Variants in SRRM3 observed in about 807,000 individuals in gnomAD.
SRRM3 encodes serine/arginine repetitive matrix 3.
SRRM3 carries 27 observed loss-of-function variants against 66.2 expected under a neutral mutation model. That is an observed-to-expected ratio of 0.41 (90% CI 0.30 to 0.56). The LOEUF (loss-of-function observed/expected upper bound fraction) is 0.56, where lower values mean the gene tolerates loss of function less well. Ranked by LOEUF, SRRM3 falls within the 20% of genes least tolerant of loss-of-function variation. The pLI is 0.32. For synonymous variants in SRRM3, 391 were observed against 414.9 expected, an observed-to-expected ratio of 0.94 and a Z score of 0.70; for missense variants, 918 against 991.9, an observed-to-expected ratio of 0.93 and a Z score of 1.00.
At chr7:76,277,010 C>T (rs1802366375) in intron 11 of SRRM3, among the ~76,000 whole-genome samples, 1 of 152,244 alleles carries the variant, frequency 6.6e-6, no homozygotes. Flanking sequence ...CAGGTGACTG[C>T]CTTAAGGCGT....
At chr7:76,211,175 G>A (rs1800422322) in intron 1 of SRRM3, among the ~76,000 whole-genome samples, 1 of 152,346 alleles carries the variant, frequency 6.6e-6, no homozygotes. Flanking sequence ...CGGGACACCG[G>A]TGTGGGGAAG....
chr7:76,210,681 G>T (rs556036239), intron 1 of SRRM3, among the ~76,000 whole-genome samples: 1 of 152,156 alleles, frequency 6.6e-6, no homozygotes, highest in Non-Finnish European at 1.5e-5. Context: ...TCTTGGGGGG[G>T]CGGGTAGTGC....
intron 1 of SRRM3, among the ~76,000 whole-genome samples, chr7:76,211,816 CTATTATTATTAT>C (rs60646233): frequency 0.015 from 2,059 of 140,632 alleles, 39 homozygotes; most frequent in African/African-American, 0.045. Flanking sequence ...ACTATTACTA[CTATTATTATTAT>C]TATTATTATT....
At chr7:76,265,758 TTA>T (rs1166050061) in intron 10 of SRRM3, among the ~76,000 whole-genome samples, 5 of 138,132 alleles carry the variant, frequency 3.6e-5, no homozygotes, top group East Asian at 2.0e-4. Flanking sequence ...TTATATATAA[TTA>T]TATATATTTA....
At chr7:76,227,863 T>C (rs1275126466) in intron 1 of SRRM3, among the ~76,000 whole-genome samples, 5 of 152,058 alleles carry the variant, frequency 3.3e-5, no homozygotes, top group Non-Finnish European at 5.9e-5. Context: ...CTTAGTTTTG[T>C]TTTTTGTTTT....
At chr7:76,215,327 A>T (rs1800532989) in intron 1 of SRRM3, among the ~76,000 whole-genome samples, 2 of 151,206 alleles carry the variant, frequency 1.3e-5, no homozygotes, top group South Asian at 2.1e-4. Context: ...GTCTTTAGAG[A>T]CATTCTCTGA....
chr7:76,278,355 C>T (rs1037172653), intron 11 of SRRM3, among the ~76,000 whole-genome samples: 9 of 152,034 alleles, frequency 5.9e-5, no homozygotes, highest in Non-Finnish European at 1.0e-4. Context: ...GGCGTGGTGG[C>T]GGGCACCTGT....
In SRRM3 at chr7:76,283,115, T is replaced by TG. The variant is rs782274170; in HGVS notation, c.1733+21dup. The TG allele has an allele frequency of 1.4e-5, 20 of 1,409,008 alleles. No individual in the cohort carries two copies. The highest frequency in any genetic ancestry group is 1.0e-4 in the African/African-American group (7 of 66,696). 87.3% of individuals were successfully genotyped at this position (1,409,008 alleles called of 1,614,324 possible). Reference sequence around the variant, plus strand: ...GCGCATCACCAGGTATGGAGGGTCTTGGGGGGGCCGGTGGCGCAGGGCTGG... The same window carrying TG: ...GCGCATCACCAGGTATGGAGGGTCTTGGGGGGGGCCGGTGGCGCAGGGCTGG... On this transcript the variant is annotated intron_variant, in intron 14 of 14. Transcript: ENST00000611745.
chr7:76,276,739 G>A (rs782010188), intron 11 of SRRM3, among the ~76,000 whole-genome samples: 4 of 152,160 alleles, frequency 2.6e-5, no homozygotes, highest in Non-Finnish European at 5.9e-5. Context: ...TCTGGCAGGC[G>A]CATGGTGACC....
rs548789462 is a variant in SRRM3, at chr7:76,285,681, C to T, written c.1800C>T (p.Ser600=). ...CTTCCTCCTCCAGCTGCTTGAGCAG[C>T]GACTACTCGACCCGGAGCCACAGCC... is the stretch of plus-strand genomic sequence containing the variant. ...SPSSSSSCLS[S]DYSTRSHSRS... is the part of the protein sequence containing the mutation. The change falls in exon 15 of 15, where the codon AGC becomes AGT. Residue 600 remains serine (S), a synonymous_variant. Coordinates refer to ENST00000611745, the MANE Select transcript of SRRM3 (RefSeq NM_001110199.3). This position sits in a 1 kb window ranked among gnomAD's most constrained non-coding sequence, Gnocchi z 4.1. 1.7e-4 allele frequency: 268 copies of T among 1,551,164 alleles called. 1 individual carries two copies. In the East Asian group the frequency reaches 5.0e-3, roughly 29 times the overall value.
intron 1 of SRRM3, among the ~76,000 whole-genome samples, chr7:76,202,818 C>T (rs969608253): frequency 6.6e-5 from 10 of 152,286 alleles, no homozygotes; most frequent in Admixed American, 5.2e-4. Flanking sequence ...CCTCCCAGGG[C>T]TCCTGCCTGG....
At chr7:76,263,735 TG>T (rs1248720587) in intron 8 of SRRM3, among the ~76,000 whole-genome samples, 1 of 151,646 alleles carries the variant, frequency 6.6e-6, no homozygotes, top group Non-Finnish European at 1.5e-5. Context: ...TAGCCAGACG[TG>T]GTGGCAGGCT....
chr7:76,261,572 G>A lies in SRRM3; in HGVS notation c.665G>A (p.Arg222Lys), dbSNP rs782757564. The A allele has an allele frequency of 6.2e-6, 10 of 1,611,786 alleles. No homozygotes were observed. The African/African-American group carries it at 8.0e-5, about 13-fold the overall frequency. The change falls in exon 8 of 15, where the codon AGA (arginine) becomes AAA (lysine). Residue 222 changes from arginine (R) to lysine (K), a missense_variant. Arg to Lys is a conservative substitution (Grantham distance 26, BLOSUM62 2). Transcript: ENST00000611745. The stretch of plus-strand genomic sequence containing the variant: ...TCTGATTCTGGGTCCCGGAGGAAGA[G>A]ACGGCACAGGTGAGCGGCGCTTTGC... Reference protein sequence around the residue: ...DRSDSGSRRKRRHRSRSSKCK... With the variant: ...DRSDSGSRRKKRHRSRSSKCK...
rs553313491 is a variant in SRRM3 at position 76,282,649 on chromosome 7, G to A, written c.1372G>A (p.Ala458Thr). 1,237 of 1,412,230 alleles carry A rather than the reference G, an allele frequency of 8.8e-4. 9 individuals are homozygous for A. In the African/African-American group the frequency reaches 0.016, roughly 18 times the overall value. The allele number at this position is 1,412,230 out of a possible 1,614,324, so 87.5% of individuals were successfully genotyped here. The change falls in exon 13 of 15, where the codon GCC becomes ACC. Residue 458 changes from alanine to threonine, a missense_variant and splice_region_variant. Coordinates refer to ENST00000611745, the MANE Select transcript of SRRM3 (RefSeq NM_001110199.3). ...ERGHGGHGKR[A>T]KERPPRARPA... ...TCCCGCGCCGTCTCCCTCCTCCAGG[G>A]CCAAGGAGCGGCCCCCGCGCGCGCG...
At chr7:76,223,289 G>A (rs1006863820) in intron 1 of SRRM3, among the ~76,000 whole-genome samples, 1 of 152,144 alleles carries the variant, frequency 6.6e-6, no homozygotes, top group African/African-American at 2.4e-5. Flanking sequence ...CCACGCTCTT[G>A]GGCAGTGAGC....
chr7:76,216,644 G>A (rs1378712616), intron 1 of SRRM3, among the ~76,000 whole-genome samples: 1 of 152,196 alleles, frequency 6.6e-6, no homozygotes, highest in African/African-American at 2.4e-5. Flanking sequence ...GGGAGGGTCA[G>A]GCTCTCAACA....
At chr7:76,240,239 T>C in intron 2 of SRRM3, among the ~76,000 whole-genome samples, 1 of 152,046 alleles carries the variant, frequency 6.6e-6, no homozygotes, top group East Asian at 1.9e-4. Context: ...ATCCCAGCAC[T>C]TTGGGAGGCT....
At chr7:76,260,644 G>T (rs1554608545) in intron 5 of SRRM3, among the ~76,000 whole-genome samples, 1 of 151,180 alleles carries the variant, frequency 6.6e-6, no homozygotes, top group African/African-American at 2.4e-5. Flanking sequence ...CAGACTCACT[G>T]ACCGGGCCCG....
At chr7:76,229,725 C>T (rs1460350392) in intron 1 of SRRM3, among the ~76,000 whole-genome samples, 1 of 149,996 alleles carries the variant, frequency 6.7e-6, no homozygotes, top group Non-Finnish European at 1.5e-5. Flanking sequence ...TCCTGTTTCA[C>T]TTTCTTCTTC....
Sources: allele counts gnomAD v4.1 joint callset (sites outside exome capture counted in the v4.1 genomes callset), GRCh38; gene constraint gnomAD v4.1.1; non-coding constraint Gnocchi (gnomAD v3.1); transcripts MANE v1.5; gene names NCBI Gene and HGNC (gene_info 2026-07-23, HGNC 2026-07-21).